The following VPS35L variants were observed in gnomAD, a reference collection of about 807,000 sequenced individuals.
VPS35L encodes VPS35 endosomal protein sorting factor like, also known as VPS35 endosomal protein-sorting factor-like.
VPS35L carries 83 observed loss-of-function variants against 133.0 expected under a neutral mutation model. The observed-to-expected ratio is 0.62, with a 90% CI of 0.52 to 0.75. VPS35L has a LOEUF of 0.75. VPS35L is among the 30% of genes least tolerant of loss of function. The pLI, the probability that VPS35L is intolerant of heterozygous loss-of-function variation, is 0.00. For missense variants in VPS35L, 1,083 were observed against 1,206.8 expected, an observed-to-expected ratio of 0.90 and a Z score of 1.52; for synonymous variants, 423 against 449.9, an observed-to-expected ratio of 0.94 and a Z score of 0.76.
Position 19,610,424 on chromosome 16 carries a change from T to C in VPS35L, c.1023+9T>C, listed in dbSNP as rs1445283314. On this transcript the variant is annotated intron_variant, in intron 12 of 30. Transcript: ENST00000417362. ...GTGCCTACCTGTGCCGGGTAGGCCATGCGAGTCACTGCCCTTGACGGCACG... is the reference window on the plus strand; with the variant it reads ...GTGCCTACCTGTGCCGGGTAGGCCACGCGAGTCACTGCCCTTGACGGCACG... The C allele has an allele frequency of 3.1e-6, 5 of 1,610,002 alleles. No individual in the cohort carries two copies. The highest frequency in any genetic ancestry group is 1.7e-6 in the Non-Finnish European group (2 of 1,176,908).
rs766112577 is a variant in VPS35L, at chr16:19,591,772, T to G, written c.640-18T>G. 1.6e-5 allele frequency: 25 copies of G among 1,593,904 alleles called. No homozygotes were observed. The African/African-American group carries it at 3.0e-4, about 19-fold the overall frequency. ...AGACATGCCAGAGTGAATTTTCTCT[T>G]TTTTTCTCTTTTTTTAGTGTTCAAA... On this transcript the variant is annotated intron_variant, in intron 7 of 30. Coordinates refer to ENST00000417362, the MANE Select transcript of VPS35L (RefSeq NM_020314.7).
intron 3 of VPS35L, among the ~76,000 whole-genome samples, chr16:19,570,889 A>ATATATT (rs1971360458): frequency 4.4e-5 from 4 of 91,844 alleles, no homozygotes; most frequent in Non-Finnish European, 8.3e-5. Context: ...ATATATATAT[A>ATATATT]TTTTTGAGAT....
chr16:19,631,739 C>T (rs1295585198), intron 18 of VPS35L, among the ~76,000 whole-genome samples: 1 of 152,136 alleles, frequency 6.6e-6, no homozygotes, highest in Non-Finnish European at 1.5e-5. Context: ...GACAGGATCT[C>T]ACTCTGTTGC....
intron 14 of VPS35L, among the ~76,000 whole-genome samples, chr16:19,620,721 C>A (rs1461408451): frequency 6.6e-6 from 1 of 152,122 alleles, no homozygotes; most frequent in Non-Finnish European, 1.5e-5. Flanking sequence ...GAGGCCAAGG[C>A]GGGCGGATCT....
chr16:19,653,459 G>C (rs1230415383), intron 26 of VPS35L, among the ~76,000 whole-genome samples: 1 of 152,224 alleles, frequency 6.6e-6, no homozygotes, highest in African/African-American at 2.4e-5. Flanking sequence ...TTATTACCCA[G>C]GTGAGTAAAC....
intron 27 of VPS35L, among the ~76,000 whole-genome samples, chr16:19,680,368 A>G (rs910501624): frequency 1.3e-5 from 2 of 152,208 alleles, no homozygotes; most frequent in Admixed American, 6.5e-5. Context: ...GGAGCCAGAG[A>G]CAGGGCGGGA....
In VPS35L at chr16:19,640,060, CG is replaced by C. The variant is rs1973740996; in HGVS notation, c.1747del (p.Val583TrpfsTer25). On this transcript the variant is annotated frameshift_variant, in exon 21 of 31. Coordinates refer to ENST00000417362, the MANE Select transcript of VPS35L (RefSeq NM_020314.7). LOFTEE classifies it high-confidence loss of function. ...FLDMFQKESV[R>X]VEVCKCIMDA... is the part of the protein sequence containing the mutation. ...GGACATGTTCCAAAAAGAGAGTGTGCGGGTGGAGGTTTGCAAATGCATCATG... is the reference window on the plus strand; with the variant it reads ...GGACATGTTCCAAAAAGAGAGTGTGCGGTGGAGGTTTGCAAATGCATCATG... 6.2e-7 allele frequency: 1 copy of C among 1,614,076 alleles called. No individual in the cohort carries two copies. The highest frequency in any genetic ancestry group is 8.5e-7 in the Non-Finnish European group (1 of 1,179,992).
intron 1 of VPS35L, among the ~76,000 whole-genome samples, chr16:19,559,491 A>G (rs1970960907): frequency 6.6e-6 from 1 of 152,186 alleles, no homozygotes; most frequent in Non-Finnish European, 1.5e-5. Context: ...TATGTTAGCA[A>G]AAAGAAAAGG....
At position 19,682,136 on chromosome 16, in the gene VPS35L, C is replaced by T. The variant is rs1008794090; in HGVS notation, c.2362-89C>T. On this transcript the variant is annotated intron_variant, in intron 27 of 30. Transcript: ENST00000417362. Reference sequence around the variant, plus strand: ...AACGTTAATTTCTCTACAGCTGCTGCGGGAGGATCTGGGCTTCTGTGTTGA... The same window carrying T: ...AACGTTAATTTCTCTACAGCTGCTGTGGGAGGATCTGGGCTTCTGTGTTGA... The T allele has an allele frequency of 7.8e-6, 11 of 1,402,300 alleles. No individual in the cohort carries two copies. The South Asian group carries it at 9.1e-5, about 12-fold the overall frequency. 86.9% of individuals were successfully genotyped at this position (1,402,300 alleles called of 1,614,324 possible). A position where few individuals can be genotyped will look rare whatever the true frequency, so the allele number is the denominator to read the frequency against.
intron 14 of VPS35L, chr16:19,617,368 A>T (rs938088091): frequency 3.0e-5 from 5 of 169,180 alleles, no homozygotes; most frequent in African/African-American, 1.2e-4. Context: ...ATTAAAAAAG[A>T]AACAAAAAGG....
chr16:19,568,152 T>C (rs1401306727), intron 2 of VPS35L, among the ~76,000 whole-genome samples: 3 of 152,148 alleles, frequency 2.0e-5, no homozygotes, highest in Non-Finnish European at 4.4e-5. Flanking sequence ...CAGTTTATTA[T>C]TAAGGATATT....
At chr16:19,656,982 TTG>T (rs1555505124) in intron 26 of VPS35L, among the ~76,000 whole-genome samples, 28 of 149,772 alleles carry the variant, frequency 1.9e-4, no homozygotes, top group African/African-American at 6.5e-4. Flanking sequence ...TTTTTTTTTT[TTG>T]AGGCAGAGTC....
intron 19 of VPS35L, 106 bp from the exon 20 acceptor site, chr16:19,637,488 G>C (rs970576793): frequency 4.1e-6 from 3 of 722,954 alleles, no homozygotes; most frequent in Middle Eastern, 8.1e-4. Context: ...AAAGGTGATT[G>C]CCTTTTTAAA....
At chr16:19,681,241 C>T (rs1027708331) in intron 27 of VPS35L, among the ~76,000 whole-genome samples, 1 of 126,452 alleles carries the variant, frequency 7.9e-6, no homozygotes, top group Non-Finnish European at 1.7e-5. Context: ...GAGGCAGCAG[C>T]ATATGCAGGG....
In VPS35L at chr16:19,626,699, T is replaced by G. The variant is rs532431982; in HGVS notation, c.1271+476T>G. Among the ~76,000 whole-genome samples the G allele has an allele frequency of 1.9e-4, 28 of 151,148 alleles. No individual in the cohort carries two copies. The South Asian group carries it at 5.9e-3, about 32-fold the overall frequency. On this transcript the variant is annotated intron_variant, in intron 15 of 30. Transcript: ENST00000417362. The stretch of plus-strand genomic sequence containing the variant: ...ATTGCTTGAACCCGGGAGGCAGAGG[T>G]TTCAGTGAGCCGAGATCATGACACT...
At chr16:19,625,248 T>C (rs183107859) in intron 14 of VPS35L, among the ~76,000 whole-genome samples, 11 of 152,302 alleles carry the variant, frequency 7.2e-5, no homozygotes, top group Admixed American at 2.6e-4. Context: ...TTCGTGGCTT[T>C]GTTTTTCATC....
At chr16:19,647,760 C>A (rs768990815) in intron 23 of VPS35L, 24 bp from the exon 24 acceptor site, 25 of 1,579,440 alleles carry the variant, frequency 1.6e-5, no homozygotes, top group Non-Finnish European at 2.2e-5. Context: ...CTGTCCCTTT[C>A]AGCGTCTTTC....
At chr16:19,650,782 A>G (rs1974099171) in intron 25 of VPS35L, among the ~76,000 whole-genome samples, 2 of 152,030 alleles carry the variant, frequency 1.3e-5, no homozygotes, top group Non-Finnish European at 2.9e-5. Flanking sequence ...ATAACATTAT[A>G]AAATATAAAA....
At position 19,567,294 on chromosome 16, in the gene VPS35L, G is replaced by A. The variant is rs944712579; in HGVS notation, c.118-2130G>A. Among the ~76,000 whole-genome samples the A allele has an allele frequency of 2.1e-4, 32 of 152,128 alleles. 1 individual carries two copies. Among genetic ancestry groups the A allele is most frequent in the Admixed American group, 2.0e-3 (30 of 15,274 alleles). On this transcript the variant is annotated intron_variant, in intron 2 of 30. Transcript: ENST00000417362. ...GTTAGGTTAGCAACATCAGCAGCAG[G>A]AAAATGCTTTTCTCAAGCAGTTTTC... is the stretch of plus-strand genomic sequence containing the variant.
Sources: gnomAD v4.1 joint callset for allele counts (sites outside exome capture counted in the v4.1 genomes callset) on GRCh38, gnomAD v4.1.1 for gene constraint, MANE v1.5 for transcripts, NCBI Gene and HGNC (gene_info 2026-07-23, HGNC 2026-07-21) for gene names.